Variants in TEX9 observed in about 807,000 individuals in gnomAD.
The protein encoded by TEX9 is testis expressed 9.
Under a neutral mutation model 59.6 loss-of-function variants are expected in TEX9, and 74 were observed. The observed-to-expected ratio is 1.24, with a 90% confidence interval of 1.03 to 1.51. The LOEUF is 1.51. Ranked by LOEUF, TEX9 falls within the 40% of genes most tolerant of loss-of-function variation. The probability of loss-of-function intolerance (pLI) is 0.00; values close to 1 mark genes in which losing one functional copy is unlikely to be tolerated. For synonymous variants in TEX9, 186 were observed against 152.2 expected (o/e 1.22, Z -1.64); for missense variants, 522 against 447.8 (o/e 1.17, Z -1.49).
chr15:56,267,900 T>C (rs1330808961), intron 1 of TEX9, among the ~76,000 whole-genome samples: 9 of 152,186 alleles, frequency 5.9e-5, no homozygotes, highest in Admixed American at 5.9e-4. Context: ...TGGCATTGAA[T>C]CTATAAATTA....
At position 56,388,530 on chromosome 15, in the gene TEX9, C is replaced by T; in HGVS notation, c.312+10C>T. 6.2e-7 allele frequency: 1 copy of T among 1,609,470 alleles called. No individual in the cohort carries two copies. Among genetic ancestry groups the T allele is most frequent in the South Asian group, 1.1e-5 (1 of 90,888 alleles). On this transcript the variant is annotated intron_variant, in intron 5 of 12. Transcript: ENST00000352903. ...TCATTCAGAAACTAAGGTATGAAATCAAACTTTCTGTGAATGCAATTATAT... is the reference window on the plus strand; with the variant it reads ...TCATTCAGAAACTAAGGTATGAAATTAAACTTTCTGTGAATGCAATTATAT...
At chr15:56,349,324 C>A (rs1416747432) in intron 1 of TEX9, among the ~76,000 whole-genome samples, 1 of 152,164 alleles carries the variant, frequency 6.6e-6, no homozygotes, top group Non-Finnish European at 1.5e-5. Context: ...TGGGAAACAG[C>A]TCAAATCTAA....
the TEX9 span, among the ~76,000 whole-genome samples, chr15:56,453,968 A>G: frequency 6.6e-6 from 1 of 152,180 alleles, no homozygotes; most frequent in Non-Finnish European, 1.5e-5. Flanking sequence ...GCACCAGAGC[A>G]GTTCCCTGAA....
At chr15:56,366,443 TCACA>T (rs1567100802) in intron 2 of TEX9, among the ~76,000 whole-genome samples, 2 of 152,222 alleles carry the variant, frequency 1.3e-5, no homozygotes, top group African/African-American at 4.8e-5. Flanking sequence ...AAAGAGACAG[TCACA>T]CACGCCTTCA....
chr15:56,439,446 T>TA (rs35812910), intron 12 of TEX9, among the ~76,000 whole-genome samples: 1 of 151,566 alleles, frequency 6.6e-6, no homozygotes, highest in African/African-American at 2.4e-5. Context: ...CTAGAATAGC[T>TA]AAAAAAAAAA....
chr15:56,334,787 A>T (rs2046227593), intron 1 of TEX9, among the ~76,000 whole-genome samples: 1 of 152,194 alleles, frequency 6.6e-6, no homozygotes, highest in Non-Finnish European at 1.5e-5. Flanking sequence ...ATATATAAGG[A>T]GCTCAAACAA....
At chr15:56,314,407 A>G (rs1413780702) in intron 1 of TEX9, among the ~76,000 whole-genome samples, 5 of 95,358 alleles carry the variant, frequency 5.2e-5, no homozygotes, top group Non-Finnish European at 1.1e-4. Context: ...TTCGTTATGT[A>G]CCCAGTAGTC....
At chr15:56,324,419 C>A (rs541440565) in intron 1 of TEX9, among the ~76,000 whole-genome samples, 2 of 152,240 alleles carry the variant, frequency 1.3e-5, no homozygotes, top group Admixed American at 6.5e-5. Context: ...GGCATATTAA[C>A]ATTGAGTTAC....
chr15:56,327,294 G>C (rs1408757508), intron 1 of TEX9, among the ~76,000 whole-genome samples: 1 of 152,042 alleles, frequency 6.6e-6, no homozygotes, highest in African/African-American at 2.4e-5. Flanking sequence ...ATTAGTTCCG[G>C]GTTTTTGCTG....
At chr15:56,408,326 A>T (rs780050238) in intron 9 of TEX9, among the ~76,000 whole-genome samples, 5 of 152,200 alleles carry the variant, frequency 3.3e-5, no homozygotes, top group Middle Eastern at 3.2e-3. Flanking sequence ...ATATCTCAGC[A>T]ATATTTGAAA....
chr15:56,296,778 G>T (rs2045228454), intron 1 of TEX9, among the ~76,000 whole-genome samples: 1 of 152,192 alleles, frequency 6.6e-6, no homozygotes, highest in African/African-American at 2.4e-5. Flanking sequence ...GTATTATGAA[G>T]ATCTCAAATC....
intron 2 of TEX9, among the ~76,000 whole-genome samples, chr15:56,370,768 T>C (rs2047158580): frequency 6.6e-6 from 1 of 152,212 alleles, no homozygotes. Flanking sequence ...TGGATTTGTT[T>C]TCTTTATTCT....
chr15:56,324,430 A>C (rs1472738094), intron 1 of TEX9, among the ~76,000 whole-genome samples: 1 of 152,184 alleles, frequency 6.6e-6, no homozygotes, highest in Non-Finnish European at 1.5e-5. Flanking sequence ...ATTGAGTTAC[A>C]CACATAAGTG....
At chr15:56,397,325 A>G (rs1295078173) in intron 9 of TEX9, 3 of 154,940 alleles carry the variant, frequency 1.9e-5, no homozygotes, top group Non-Finnish European at 4.3e-5. Context: ...TCTAAGCAGC[A>G]AAGCACTCAA....
At chr15:56,289,572 T>A (rs2045038066) in intron 1 of TEX9, among the ~76,000 whole-genome samples, 1 of 152,206 alleles carries the variant, frequency 6.6e-6, no homozygotes, top group Non-Finnish European at 1.5e-5. Flanking sequence ...TGAGGGTTGC[T>A]CAGTTCTTAA....
chr15:56,244,131 A>C (rs1416078068), exon 1 of TEX9: 1 of 152,182 alleles, frequency 6.6e-6, no homozygotes, highest in African/African-American at 2.4e-5. Context: ...AGGAGAAACC[A>C]AATTTAATAA....
At chr15:56,260,246 C>A (rs2044233995) in intron 1 of TEX9, among the ~76,000 whole-genome samples, 1 of 152,196 alleles carries the variant, frequency 6.6e-6, no homozygotes, top group Middle Eastern at 3.4e-3. Flanking sequence ...GTGGCACTGA[C>A]TAGGACCTGC....
At position 56,420,004 on chromosome 15, in the gene TEX9, A is replaced by G. The variant is rs1007475627; in HGVS notation, c.963+7568A>G. On this transcript the variant is annotated intron_variant, in intron 10 of 12. Transcript: ENST00000352903. ...ATTTTATTGTGTTTTGGGTGCTTAC[A>G]TCTGTCAAGGAATCTGTTCATTTCG... 2.8e-4 allele frequency among the ~76,000 whole-genome samples: 43 copies of G among 151,814 alleles called. 2 individuals carry two copies. The highest frequency in any genetic ancestry group is 1.0e-3 in the African/African-American group (43 of 41,214).
intron 1 of TEX9, among the ~76,000 whole-genome samples, chr15:56,322,148 A>T (rs372577206): frequency 6.6e-6 from 1 of 152,078 alleles, no homozygotes; most frequent in Non-Finnish European, 1.5e-5. Flanking sequence ...AAGCAAGCAG[A>T]AAAGGAGTGG....
Sources: gnomAD v4.1 joint callset for allele counts (sites outside exome capture counted in the v4.1 genomes callset) on GRCh38, gnomAD v4.1.1 for gene constraint, MANE v1.5 for transcripts, NCBI Gene and HGNC (gene_info 2026-07-23, HGNC 2026-07-21) for gene names.